Variants in PPP4R2 observed in about 807,000 individuals in gnomAD.
The protein encoded by PPP4R2 is serine/threonine-protein phosphatase 4 regulatory subunit 2.
A neutral mutation model predicts 47.2 loss-of-function variants in PPP4R2; 13 were observed. That is an observed-to-expected ratio of 0.28 (90% confidence interval 0.18 to 0.44). The LOEUF is 0.44. PPP4R2 is among the 20% of genes least tolerant of loss of function. The pLI is 1.00. For synonymous variants in PPP4R2, 151 were observed against 163.3 expected, an observed-to-expected ratio of 0.92 and a Z score of 0.57; for missense variants, 421 against 491.2, an observed-to-expected ratio of 0.86 and a Z score of 1.35.
chr3:73,007,689 A>G (rs1004113120), intron 2 of PPP4R2, among the ~76,000 whole-genome samples: 1 of 152,032 alleles, frequency 6.6e-6, no homozygotes, highest in Non-Finnish European at 1.5e-5. Context: ...GGGTTTCACC[A>G]TGTTGGCCAG....
chr3:73,062,782 G>A (rs1702895620), intron 5 of PPP4R2: 7 of 1,613,804 alleles, frequency 4.3e-6, no homozygotes, highest in Admixed American at 1.7e-5. Flanking sequence ...CTAATCAGCT[G>A]CAATGCAGAA....
chr3:73,034,253 TA>T (rs1208062829), intron 2 of PPP4R2, among the ~76,000 whole-genome samples: 1 of 152,176 alleles, frequency 6.6e-6, no homozygotes, highest in East Asian at 1.9e-4. Context: ...AATGCACCTT[TA>T]AAAAAGAGTG....
chr3:72,998,228 A>T, intron 2 of PPP4R2, 70 bp downstream of exon 2: 2 of 970,094 alleles, frequency 2.1e-6, no homozygotes, highest in South Asian at 3.1e-5. Context: ...AAAGGGAAAA[A>T]AGTATATTTT....
chr3:73,030,366 T>C (rs1210144789), intron 2 of PPP4R2, among the ~76,000 whole-genome samples: 1 of 152,152 alleles, frequency 6.6e-6, no homozygotes, highest in East Asian at 1.9e-4. Context: ...GGAAATTCCC[T>C]ATTGTTTTCA....
intron 2 of PPP4R2, among the ~76,000 whole-genome samples, chr3:73,043,185 A>G (rs764352018): frequency 1.4e-4 from 21 of 152,198 alleles, no homozygotes; most frequent in Non-Finnish European, 2.8e-4. Context: ...TTGCCCTGGT[A>G]TGTTTAAGTA....
chr3:73,068,024 G>C lies in PPP4R2; in HGVS notation c.*2302G>C, dbSNP rs1703036022. 1 of 152,090 alleles carries C rather than the reference G, an allele frequency of 6.6e-6. No homozygotes were observed. Among genetic ancestry groups the C allele is most frequent in the Non-Finnish European group, 1.5e-5 (1 of 68,012 alleles). 9.4% of individuals were successfully genotyped at this position (152,090 alleles called of 1,614,324 possible). ...CTCATGGAATATCTTTAGGGTAGGTGGAATACTTCTGTAGTTAAATTGGGA... is the reference window on the plus strand; with the variant it reads ...CTCATGGAATATCTTTAGGGTAGGTCGAATACTTCTGTAGTTAAATTGGGA... On this transcript the variant is annotated 3_prime_UTR_variant, in exon 9 of 9. Transcript: ENST00000356692.
chr3:73,052,246 CTT>C (rs60786869), intron 3 of PPP4R2, among the ~76,000 whole-genome samples: 2 of 139,748 alleles, frequency 1.4e-5, no homozygotes, highest in African/African-American at 2.7e-5. Context: ...TCTTTCTTTT[CTT>C]TTTTTTTTTG....
Position 73,053,890 on chromosome 3 carries a change from CAG to C in PPP4R2, c.288-5144_288-5143del, listed in dbSNP as rs377625146. Among the ~76,000 whole-genome samples the C allele has an allele frequency of 5.8e-3, 758 of 130,354 alleles. 3 individuals are homozygous for C. The highest frequency in any genetic ancestry group is 0.036 in the Middle Eastern group (8 of 222). The allele number at this position is 130,354 out of a possible 152,430, so 85.5% of individuals were successfully genotyped here. ...TGCCACTGCACTCCAGCGTGGGTGACAGAGCGAGACACCATCTCAAAAAAAAA... is the reference window on the plus strand; with the variant it reads ...TGCCACTGCACTCCAGCGTGGGTGACAGCGAGACACCATCTCAAAAAAAAA... On this transcript the variant is annotated intron_variant, in intron 3 of 8. Coordinates refer to ENST00000356692, the MANE Select transcript of PPP4R2 (RefSeq NM_174907.4).
intron 2 of PPP4R2, among the ~76,000 whole-genome samples, chr3:73,010,662 G>A (rs1484451998): frequency 6.6e-6 from 1 of 151,802 alleles, no homozygotes; most frequent in Admixed American, 6.6e-5. Context: ...GGTTTCGAGC[G>A]ATTCTCTTGC....
intron 2 of PPP4R2, among the ~76,000 whole-genome samples, chr3:73,029,164 C>T (rs962593631): frequency 6.6e-6 from 1 of 152,100 alleles, no homozygotes; most frequent in Non-Finnish European, 1.5e-5. Flanking sequence ...TGGTTTTGAA[C>T]CCCTGGATGC....
intron 2 of PPP4R2, among the ~76,000 whole-genome samples, chr3:73,002,929 A>C (rs1701508119): frequency 6.6e-6 from 1 of 151,914 alleles, no homozygotes; most frequent in South Asian, 2.1e-4. Context: ...GGTGTGAACC[A>C]CTGCGCCTGG....
At chr3:73,053,245 C>T (rs1702657352) in intron 3 of PPP4R2, among the ~76,000 whole-genome samples, 1 of 150,602 alleles carries the variant, frequency 6.6e-6, no homozygotes, top group African/African-American at 2.4e-5. Flanking sequence ...CACAAACCCA[C>T]ACCCACCCAC....
chr3:72,997,067 GA>G lies in PPP4R2; in HGVS notation c.33del (p.Asp12IlefsTer21). 3 of 1,403,610 alleles carry G rather than the reference GA, an allele frequency of 2.1e-6. No individual in the cohort carries two copies. The highest frequency in any genetic ancestry group is 9.4e-7 in the Non-Finnish European group (1 of 1,062,328). The allele number at this position is 1,403,610 out of a possible 1,614,324, so 86.9% of individuals were successfully genotyped here. MDVERLQEAL[K>X]DFEKRGKKEV... Reference sequence around the variant, plus strand: ...ACGTCGAGAGGCTCCAGGAGGCGCTGAAAGGTGGGGGTAGCTGCCCCCTCTC... The same window carrying G: ...ACGTCGAGAGGCTCCAGGAGGCGCTGAAGGTGGGGGTAGCTGCCCCCTCTC... On this transcript the variant is annotated frameshift_variant, in exon 1 of 9. Transcript: ENST00000356692. LOFTEE classifies it high-confidence loss of function.
intron 2 of PPP4R2, among the ~76,000 whole-genome samples, chr3:73,002,566 G>GTGAA (rs1416568202): frequency 1.3e-5 from 2 of 149,572 alleles, no homozygotes; most frequent in African/African-American, 4.9e-5. Context: ...TTTGGCTGTT[G>GTGAA]TGAATAGTGC....
intron 2 of PPP4R2, among the ~76,000 whole-genome samples, chr3:73,009,081 T>G (rs1486135885): frequency 6.6e-6 from 1 of 152,218 alleles, no homozygotes; most frequent in African/African-American, 2.4e-5. Context: ...CTACTTTTAG[T>G]GATTTTCATC....
Position 73,033,101 on chromosome 3 carries a change from T to G in PPP4R2, c.117-14085T>G, listed in dbSNP as rs146469705. 2.0e-4 allele frequency among the ~76,000 whole-genome samples: 30 copies of G among 152,316 alleles called. No homozygotes were observed. The East Asian group carries it at 5.4e-3, about 27-fold the overall frequency. The stretch of plus-strand genomic sequence containing the variant: ...TCTCAGTATTCTAGATACCATATCA[T>G]GCTCTTTCTTGGTTTACATCATTGT... On this transcript the variant is annotated intron_variant, in intron 2 of 8. Transcript: ENST00000356692.
At chr3:73,056,671 T>C (rs1180728015) in intron 3 of PPP4R2, among the ~76,000 whole-genome samples, 2 of 152,218 alleles carry the variant, frequency 1.3e-5, no homozygotes, top group African/African-American at 4.8e-5. Flanking sequence ...TAAACTCGTT[T>C]TATCATTGCT....
At position 73,052,758 on chromosome 3, in the gene PPP4R2, C is replaced by T. The variant is rs930952068; in HGVS notation, c.287+5402C>T. On this transcript the variant is annotated intron_variant, in intron 3 of 8. Coordinates refer to ENST00000356692, the MANE Select transcript of PPP4R2 (RefSeq NM_174907.4). The stretch of plus-strand genomic sequence containing the variant: ...ACCTCTAAGTCCTCTCTAAAGTAGG[C>T]AGTCGGCCTCCTCACTCTGTGAATA... 5.3e-5 allele frequency among the ~76,000 whole-genome samples: 8 copies of T among 152,306 alleles called. No individual in the cohort carries two copies. In the East Asian group the frequency reaches 1.2e-3, roughly 22 times the overall value.
At chr3:73,043,927 C>T (rs1559561328) in intron 2 of PPP4R2, among the ~76,000 whole-genome samples, 1 of 152,206 alleles carries the variant, frequency 6.6e-6, no homozygotes, top group Non-Finnish European at 1.5e-5. Context: ...CCTTCCTCCC[C>T]ACAGTTCCAG....
Sources: gnomAD v4.1 joint callset for allele counts (sites outside exome capture counted in the v4.1 genomes callset) on GRCh38, gnomAD v4.1.1 for gene constraint, MANE v1.5 for transcripts, NCBI Gene and HGNC (gene_info 2026-07-23, HGNC 2026-07-21) for gene names.